TMEM266: variants seen among roughly 807,000 people sequenced by gnomAD.
TMEM266 encodes Hv1 related protein 1.
In TMEM266, 33 loss-of-function variants were observed where a neutral mutation model predicts 50.5. The ratio of observed to expected loss-of-function variants is 0.65; its 90% CI spans 0.50 to 0.87. TMEM266 has a LOEUF of 0.87. Ranked by LOEUF, TMEM266 falls within the 40% of genes least tolerant of loss-of-function variation. The probability of loss-of-function intolerance (pLI) is 0.00; values close to 1 mark genes in which losing one functional copy is unlikely to be tolerated. For missense variants in TMEM266, 655 were observed against 695.1 expected, an observed-to-expected ratio of 0.94 and a Z score of 0.65; for synonymous variants, 310 against 292.3, an observed-to-expected ratio of 1.06 and a Z score of -0.62.
intron 1 of TMEM266, among the ~76,000 whole-genome samples, chr15:76,090,257 T>G (rs2036830561): frequency 1.3e-5 from 2 of 151,936 alleles, no homozygotes; most frequent in African/African-American, 4.8e-5. Flanking sequence ...TTTGGGAGGC[T>G]GAGGTGGGTG....
At chr15:76,158,755 G>A (rs2037965694) in intron 4 of TMEM266, among the ~76,000 whole-genome samples, 1 of 152,196 alleles carries the variant, frequency 6.6e-6, no homozygotes. Context: ...AGTCACACGG[G>A]CCTCAGCCTC....
At chr15:76,131,754 C>T (rs755391577) in intron 1 of TMEM266, among the ~76,000 whole-genome samples, 29 of 152,166 alleles carry the variant, frequency 1.9e-4, no homozygotes, top group Non-Finnish European at 3.7e-4. Flanking sequence ...GTCCATTTCT[C>T]CTTGGTGTTG....
Position 76,160,121 on chromosome 15 carries a change from G to GTGATTCACTGGATCAGCCTGGTCATTC in TMEM266, c.412_438dup (p.Ile138_Leu146dup). Reference sequence around the variant, plus strand: ...TTCCAGCGCATTCCAGTTTGCTGGCGTGATTCACTGGATCAGCCTGGTCAT... The same window carrying GTGATTCACTGGATCAGCCTGGTCATTC: ...TTCCAGCGCATTCCAGTTTGCTGGCGTGATTCACTGGATCAGCCTGGTCATTCTGATTCACTGGATCAGCCTGGTCAT... On this transcript the variant is annotated inframe_insertion, in exon 5 of 11. Transcript: ENST00000388942. The surrounding 1 kb of genome is among the most constrained non-coding windows in gnomAD (Gnocchi z 5.7). 1 of 1,614,174 alleles carries GTGATTCACTGGATCAGCCTGGTCATTC rather than the reference G, an allele frequency of 6.2e-7. No individual in the cohort carries two copies. The highest frequency in any genetic ancestry group is 8.5e-7 in the Non-Finnish European group (1 of 1,180,024).
intron 1 of TMEM266, among the ~76,000 whole-genome samples, chr15:76,083,493 C>G (rs576856178): frequency 6.6e-6 from 1 of 152,118 alleles, no homozygotes; most frequent in South Asian, 2.1e-4. Context: ...GTCCCATATT[C>G]CCTTCTACCG....
At chr15:76,116,473 G>A (rs2959828) in intron 1 of TMEM266, among the ~76,000 whole-genome samples, 50,688 of 151,640 alleles carry the variant, frequency 0.33, 10,170 homozygotes, top group East Asian at 0.6. Context: ...CAGAGACACC[G>A]TCCTGTCCCT....
intron 1 of TMEM266, among the ~76,000 whole-genome samples, chr15:76,128,299 T>A (rs754596349): frequency 6.6e-6 from 1 of 152,216 alleles, no homozygotes; most frequent in Non-Finnish European, 1.5e-5. Flanking sequence ...TGCCTTTTTT[T>A]AGGGGACTGA....
chr15:76,082,179 C>CA (rs1233000671), intron 1 of TMEM266, among the ~76,000 whole-genome samples: 1 of 152,176 alleles, frequency 6.6e-6, no homozygotes, highest in African/African-American at 2.4e-5. Context: ...CTTTAGGTGT[C>CA]AAATTTCTTG....
At chr15:76,202,348 C>T in intron 10 of TMEM266, 84 bp downstream of exon 10, 6 of 1,231,224 alleles carry the variant, frequency 4.9e-6, no homozygotes, top group South Asian at 1.4e-5. Flanking sequence ...GGCTTCAAAG[C>T]ATGCCCATCA....
At chr15:76,159,070 A>G (rs373388840) in intron 4 of TMEM266, among the ~76,000 whole-genome samples, 34 of 152,292 alleles carry the variant, frequency 2.2e-4, no homozygotes, top group African/African-American at 8.2e-4. Context: ...GCAGCTCACG[A>G]AGGAGGTAGA....
At chr15:76,184,649 A>C (rs760239713) in intron 8 of TMEM266, among the ~76,000 whole-genome samples, 3 of 152,226 alleles carry the variant, frequency 2.0e-5, no homozygotes, top group Non-Finnish European at 4.4e-5. Context: ...TGCATTGATC[A>C]GGACAAGGCC....
intron 5 of TMEM266, among the ~76,000 whole-genome samples, chr15:76,166,120 T>C (rs2038092689): frequency 6.6e-6 from 1 of 152,100 alleles, no homozygotes; most frequent in South Asian, 2.1e-4. Flanking sequence ...GCGCGTGTTT[T>C]CGGAGGTGTT....
chr15:76,070,092 G>A (rs1334363226), intron 1 of TMEM266, among the ~76,000 whole-genome samples: 6 of 152,170 alleles, frequency 3.9e-5, no homozygotes, highest in African/African-American at 1.4e-4. Context: ...GAAAAACAGT[G>A]ACTTAAATAG....
intron 3 of TMEM266, among the ~76,000 whole-genome samples, chr15:76,146,706 G>A (rs2037762368): frequency 1.3e-5 from 2 of 152,286 alleles, no homozygotes; most frequent in African/African-American, 2.4e-5. Context: ...AAAAGGAGGG[G>A]TAGGGACCTA....
intron 8 of TMEM266, among the ~76,000 whole-genome samples, chr15:76,189,561 CT>C (rs1300551303): frequency 1.3e-5 from 2 of 151,994 alleles, no homozygotes. Context: ...AAATGGGGTA[CT>C]TTTCCCCTCG....
chr15:76,172,895 G>A (rs1208490566), intron 7 of TMEM266, among the ~76,000 whole-genome samples: 2 of 152,148 alleles, frequency 1.3e-5, no homozygotes, highest in Non-Finnish European at 2.9e-5. Flanking sequence ...CGCCTTCTGG[G>A]TCTTTCTTCC....
chr15:76,064,757 A>G (rs2036379833), intron 1 of TMEM266, among the ~76,000 whole-genome samples: 1 of 152,246 alleles, frequency 6.6e-6, no homozygotes, highest in African/African-American at 2.4e-5. Context: ...AGGAATTTTA[A>G]TAAGTATTTT....
At chr15:76,170,699 C>T (rs2038173670) in intron 6 of TMEM266, among the ~76,000 whole-genome samples, 1 of 152,206 alleles carries the variant, frequency 6.6e-6, no homozygotes. Flanking sequence ...GCCTGGGATA[C>T]AGGATGCAGG....
At chr15:76,170,253 A>G (rs1446313457) in intron 6 of TMEM266, among the ~76,000 whole-genome samples, 2 of 152,108 alleles carry the variant, frequency 1.3e-5, no homozygotes, top group Non-Finnish European at 2.9e-5. Flanking sequence ...TTCCCGCCAC[A>G]CGGGTGGGTG....
At chr15:76,089,969 G>T (rs912413083) in intron 1 of TMEM266, among the ~76,000 whole-genome samples, 7 of 152,094 alleles carry the variant, frequency 4.6e-5, no homozygotes, top group Non-Finnish European at 1.0e-4. Flanking sequence ...AACTTCACAA[G>T]ACAAAATAAA....
Sources: gnomAD v4.1 joint callset for allele counts (sites outside exome capture counted in the v4.1 genomes callset) on GRCh38, gnomAD v4.1.1 for gene constraint, Gnocchi (gnomAD v3.1) non-coding constraint, MANE v1.5 for transcripts, NCBI Gene and HGNC (gene_info 2026-07-23, HGNC 2026-07-21) for gene names.